TLE4: variants seen among roughly 807,000 people sequenced by gnomAD.
TLE4 encodes transducin-like enhancer protein 4.
A neutral mutation model predicts 92.8 loss-of-function variants in TLE4; 8 were observed. The ratio of observed to expected loss-of-function variants is 0.09; its 90% CI spans 0.05 to 0.16. The LOEUF (loss-of-function observed/expected upper bound fraction) is 0.16. Among genes scored for constraint, TLE4 ranks in the 10% least tolerant of loss-of-function variants. The probability of loss-of-function intolerance (pLI) is 1.00; values close to 1 mark genes in which losing one functional copy is unlikely to be tolerated. For missense variants in TLE4, 675 were observed against 997.6 expected (o/e 0.68, Z 4.36); for synonymous variants, 371 against 374.1 (o/e 0.99, Z 0.10).
chr9:79,579,347 A>G lies in TLE4; in HGVS notation c.252+3170A>G, dbSNP rs536450049. ...ATCTTTCACCTGTAATGCTGTCATT[A>G]AAGAAGTCCTCACTGATGGACTCTG... is the stretch of plus-strand genomic sequence containing the variant. On this transcript the variant is annotated intron_variant, in intron 4 of 19. Coordinates refer to ENST00000376552, the MANE Select transcript of TLE4 (RefSeq NM_007005.6). Among the ~76,000 whole-genome samples, 101 of 152,370 alleles carry G rather than the reference A, an allele frequency of 6.6e-4. 1 individual carries two copies. The highest frequency in any genetic ancestry group is 4.4e-4 in the Non-Finnish European group (30 of 68,030).
chr9:79,667,433 A>G (rs1421208487), intron 8 of TLE4, among the ~76,000 whole-genome samples: 1 of 152,232 alleles, frequency 6.6e-6, no homozygotes, highest in African/African-American at 2.4e-5. Flanking sequence ...TCTTAAAATA[A>G]TTCTTTGTTA....
At chr9:79,628,214 A>G (rs2053171729) in intron 6 of TLE4, among the ~76,000 whole-genome samples, 1 of 152,180 alleles carries the variant, frequency 6.6e-6, no homozygotes, top group African/African-American at 2.4e-5. Flanking sequence ...TTGTACAAGC[A>G]GTTCCTTGGG....
chr9:79,670,151 T>G (rs1397236267), intron 8 of TLE4, among the ~76,000 whole-genome samples: 1 of 150,534 alleles, frequency 6.6e-6, no homozygotes, highest in Non-Finnish European at 1.5e-5. Flanking sequence ...AGACTCACCT[T>G]AGAGGGGATA....
chr9:79,579,261 C>T (rs1219693862), intron 4 of TLE4, among the ~76,000 whole-genome samples: 2 of 152,136 alleles, frequency 1.3e-5, no homozygotes, highest in East Asian at 3.9e-4. Context: ...TTGGTGGCTT[C>T]TAAATGGCAC....
intron 4 of TLE4, among the ~76,000 whole-genome samples, chr9:79,588,184 T>C (rs2041658003): frequency 1.4e-5 from 2 of 147,236 alleles, no homozygotes; most frequent in South Asian, 4.2e-4. Flanking sequence ...AGTCTCGCCC[T>C]GTTGCCAGGC....
At chr9:79,636,265 C>G (rs2055802719) in intron 6 of TLE4, among the ~76,000 whole-genome samples, 1 of 152,096 alleles carries the variant, frequency 6.6e-6, no homozygotes, top group Non-Finnish European at 1.5e-5. Flanking sequence ...CAAGACCAGC[C>G]TGGGCAACAG....
At chr9:79,689,832 C>G (rs1279947982) in intron 8 of TLE4, among the ~76,000 whole-genome samples, 1 of 152,114 alleles carries the variant, frequency 6.6e-6, no homozygotes, top group African/African-American at 2.4e-5. Context: ...CTGAATATGC[C>G]TTAGGTCAGA....
chr9:79,675,059 C>A (rs2063049406), intron 8 of TLE4, among the ~76,000 whole-genome samples: 2 of 152,010 alleles, frequency 1.3e-5, no homozygotes, highest in South Asian at 4.1e-4. Flanking sequence ...TTTTTTATAA[C>A]CACTAACCAG....
At chr9:79,634,106 A>G (rs569118295) in intron 6 of TLE4, among the ~76,000 whole-genome samples, 1 of 152,324 alleles carries the variant, frequency 6.6e-6, no homozygotes, top group South Asian at 2.1e-4. Context: ...CCATTCATTC[A>G]TTCAGTAAAT....
intron 8 of TLE4, among the ~76,000 whole-genome samples, chr9:79,684,057 T>A (rs2065272827): frequency 6.6e-6 from 1 of 152,238 alleles, no homozygotes; most frequent in African/African-American, 2.4e-5. Flanking sequence ...CTATTTCTAA[T>A]ATGGATGTCT....
Position 79,705,034 on chromosome 9 carries a change from G to T in TLE4, c.729+132G>T, listed in dbSNP as rs181084757. The stretch of plus-strand genomic sequence containing the variant: ...CTTTAGGAGACAAAAAACATTTATT[G>T]TATTTATAGCTCTGTAGCCATTGGC... On this transcript the variant is annotated intron_variant, in intron 9 of 19. Transcript: ENST00000376552. 1.2e-4 allele frequency: 167 copies of T among 1,344,422 alleles called. 1 individual carries two copies. The East Asian group carries it at 3.4e-3, about 27-fold the overall frequency. 83.3% of individuals were successfully genotyped at this position (1,344,422 alleles called of 1,614,324 possible).
intron 5 of TLE4, among the ~76,000 whole-genome samples, chr9:79,615,892 A>G (rs2049463515): frequency 6.6e-6 from 1 of 152,168 alleles, no homozygotes; most frequent in African/African-American, 2.4e-5. Flanking sequence ...GCATTTGACA[A>G]AGATATTGCC....
chr9:79,686,512 G>T (rs1386912918), intron 8 of TLE4, among the ~76,000 whole-genome samples: 1 of 152,140 alleles, frequency 6.6e-6, no homozygotes, highest in Non-Finnish European at 1.5e-5. Flanking sequence ...AATCAAGTTG[G>T]CCCTGCATCC....
At chr9:79,594,132 T>C (rs1200757129) in intron 4 of TLE4, among the ~76,000 whole-genome samples, 6 of 152,212 alleles carry the variant, frequency 3.9e-5, no homozygotes, top group Admixed American at 1.3e-4. Flanking sequence ...TACAGCAAGG[T>C]TGAGGACCAG....
intron 6 of TLE4, among the ~76,000 whole-genome samples, chr9:79,647,076 A>G (rs776421124): frequency 6.6e-6 from 1 of 152,186 alleles, no homozygotes; most frequent in Non-Finnish European, 1.5e-5. Flanking sequence ...GCAACGTTGT[A>G]TGCTGGTTTG....
chr9:79,666,660 C>T (rs1209930775), intron 8 of TLE4, among the ~76,000 whole-genome samples: 1 of 152,116 alleles, frequency 6.6e-6, no homozygotes, highest in Non-Finnish European at 1.5e-5. Flanking sequence ...GTTTTAAAAG[C>T]AGTAATAGAA....
chr9:79,601,802 C>T (rs2132660019), intron 4 of TLE4, among the ~76,000 whole-genome samples: 1 of 152,304 alleles, frequency 6.6e-6, no homozygotes. Flanking sequence ...AGTCTCACAT[C>T]TCTCACTTTA....
chr9:79,681,633 C>G (rs962342497), intron 8 of TLE4, among the ~76,000 whole-genome samples: 1 of 152,100 alleles, frequency 6.6e-6, no homozygotes, highest in Non-Finnish European at 1.5e-5. Flanking sequence ...GATACACTGA[C>G]TTTTCTGGCT....
Position 79,573,791 on chromosome 9 carries a change from C to A in TLE4, c.143+5C>A, listed in dbSNP as rs778342317. On this transcript the variant is annotated splice_donor_5th_base_variant and intron_variant, in intron 2 of 19. Transcript: ENST00000376552. ...TTTACAGGCTCAATACCACAGGTAA[C>A]GATATTGACTTTAGCTGATCCTTCT... 2 of 1,574,748 alleles carry A rather than the reference C, an allele frequency of 1.3e-6. No homozygotes were observed. The highest frequency in any genetic ancestry group is 1.1e-5 in the South Asian group (1 of 87,432).
Sources: allele counts gnomAD v4.1 joint callset (sites outside exome capture counted in the v4.1 genomes callset), GRCh38; gene constraint gnomAD v4.1.1; transcripts MANE v1.5; gene names NCBI Gene and HGNC (gene_info 2026-07-23, HGNC 2026-07-21).